ANO2: variants seen among roughly 807,000 people sequenced by gnomAD.
ANO2 encodes the protein anoctamin-2.
A neutral mutation model predicts 124.2 loss-of-function variants in ANO2; 101 were observed. The observed-to-expected ratio is 0.81, with a 90% confidence interval of 0.69 to 0.96. The LOEUF (loss-of-function observed/expected upper bound fraction) is 0.96, where lower values mean the gene tolerates loss of function less well. Ranked by LOEUF, ANO2 falls within the 40% of genes least tolerant of loss-of-function variation. The pLI is 0.00. For synonymous variants in ANO2, 486 were observed against 482.5 expected (o/e 1.01, Z -0.09); for missense variants, 1,293 against 1,274.5 (o/e 1.01, Z -0.22).
intron 15 of ANO2, among the ~76,000 whole-genome samples, chr12:5,645,915 G>A (rs1265838375): frequency 6.6e-6 from 1 of 152,218 alleles, no homozygotes; most frequent in Admixed American, 6.5e-5. Context: ...ACCCAGGATA[G>A]AAAGCCACAG....
intron 3 of ANO2, among the ~76,000 whole-genome samples, chr12:5,878,337 G>T (rs1014620557): frequency 6.6e-6 from 1 of 152,180 alleles, no homozygotes; most frequent in Non-Finnish European, 1.5e-5. Flanking sequence ...ATTAAGGAGT[G>T]GTGGAATCGA....
At chr12:5,758,674 G>C (rs1236152958) in intron 10 of ANO2, among the ~76,000 whole-genome samples, 1 of 152,204 alleles carries the variant, frequency 6.6e-6, no homozygotes, top group African/African-American at 2.4e-5. Context: ...TTGTAGTGCA[G>C]TGCACTGAAG....
intron 14 of ANO2, among the ~76,000 whole-genome samples, chr12:5,685,128 C>G (rs1026792450): frequency 2.0e-5 from 3 of 152,134 alleles, no homozygotes; most frequent in East Asian, 1.9e-4. Context: ...GTATGAGGCA[C>G]GAGTCCTGTC....
intron 3 of ANO2, among the ~76,000 whole-genome samples, chr12:5,896,775 C>G (rs1231060697): frequency 1.3e-5 from 2 of 151,964 alleles, no homozygotes; most frequent in African/African-American, 4.8e-5. Flanking sequence ...ATTTGAAGCC[C>G]CAACTGGTTG....
At chr12:5,907,023 G>A (rs940866992) in intron 3 of ANO2, among the ~76,000 whole-genome samples, 4 of 151,976 alleles carry the variant, frequency 2.6e-5, no homozygotes, top group Non-Finnish European at 2.9e-5. Flanking sequence ...AAGAAAGTCC[G>A]TTTTCAATTA....
chr12:5,820,932 G>C (rs770998658), intron 7 of ANO2, among the ~76,000 whole-genome samples: 8 of 152,228 alleles, frequency 5.3e-5, no homozygotes, highest in Non-Finnish European at 1.0e-4. Context: ...CTCCATTCCT[G>C]TCCATTAGGC....
chr12:5,709,923 A>T (rs571315615), intron 14 of ANO2, among the ~76,000 whole-genome samples: 16 of 152,336 alleles, frequency 1.1e-4, no homozygotes, highest in Admixed American at 9.1e-4. Flanking sequence ...AATAGAAAAA[A>T]TACAAAATGA....
rs1324599985 is a variant in ANO2 at position 5,886,664 on chromosome 12, T to C, written c.535-32523A>G. 1.3e-5 allele frequency among the ~76,000 whole-genome samples: 2 copies of C among 152,232 alleles called. 1 individual carries two copies. Among genetic ancestry groups the C allele is most frequent in the African/African-American group, 4.8e-5 (2 of 41,456 alleles). On this transcript the variant is annotated intron_variant, in intron 3 of 24. Coordinates refer to ENST00000682330, the MANE Select transcript of ANO2 (RefSeq NM_001364791.2). ...TTGGATATGTCTATTACCTTGATTA[T>C]GGTGATGGTATCAAGGGTGTTTGCA...
intron 19 of ANO2, among the ~76,000 whole-genome samples, chr12:5,610,938 A>C (rs1944512467): frequency 6.7e-6 from 1 of 149,336 alleles, no homozygotes; most frequent in Non-Finnish European, 1.5e-5. Flanking sequence ...GTCTTCTTTC[A>C]AGACACAGAC....
chr12:5,858,542 A>T (rs954090727), intron 3 of ANO2: 13 of 152,344 alleles, frequency 8.5e-5, no homozygotes, highest in African/African-American at 3.1e-4. Context: ...TTTAAAAAAA[A>T]AATTATTTGC....
intron 10 of ANO2, among the ~76,000 whole-genome samples, chr12:5,781,943 T>C (rs970388406): frequency 1.3e-5 from 2 of 152,238 alleles, no homozygotes; most frequent in Non-Finnish European, 2.9e-5. Context: ...GGGTATAGTA[T>C]TCTATAAACA....
Position 5,582,718 on chromosome 12 carries a change from C to A in ANO2, c.2234-4200G>T, listed in dbSNP as rs150183448. Among the ~76,000 whole-genome samples the A allele has an allele frequency of 2.6e-5, 4 of 152,332 alleles. No individual in the cohort carries two copies. In the East Asian group the frequency reaches 7.7e-4, roughly 29 times the overall value. ...GTTGGAGATCAACTCCGCCTGCCTT[C>A]CAACCATTCCAAGACCATTTGTACT... On this transcript the variant is annotated intron_variant, in intron 20 of 24. Coordinates refer to ENST00000682330, the MANE Select transcript of ANO2 (RefSeq NM_001364791.2).
intron 14 of ANO2, among the ~76,000 whole-genome samples, chr12:5,656,712 C>A (rs1947177050): frequency 6.6e-6 from 1 of 152,180 alleles, no homozygotes; most frequent in African/African-American, 2.4e-5. Context: ...ATTGTTTGTT[C>A]AACCAGTGTG....
intron 14 of ANO2, among the ~76,000 whole-genome samples, chr12:5,689,050 A>G (rs1474628931): frequency 6.6e-6 from 1 of 152,196 alleles, no homozygotes; most frequent in African/African-American, 2.4e-5. Context: ...TTATTAATTA[A>G]GAAGGTAACT....
intron 14 of ANO2, among the ~76,000 whole-genome samples, chr12:5,697,675 C>T (rs555715099): frequency 5.6e-4 from 85 of 152,266 alleles, no homozygotes; most frequent in Admixed American, 1.2e-3. Flanking sequence ...ACCCGGGAAA[C>T]GCAAGGGGTC....
At chr12:5,747,410 C>G (rs540154309) in intron 11 of ANO2, among the ~76,000 whole-genome samples, 91 of 152,230 alleles carry the variant, frequency 6.0e-4, no homozygotes, top group African/African-American at 2.1e-3. Context: ...TTCTGAGTTT[C>G]CATCAGACCC....
chr12:5,855,254 G>T (rs1194685143), intron 3 of ANO2, among the ~76,000 whole-genome samples: 1 of 152,210 alleles, frequency 6.6e-6, no homozygotes, highest in African/African-American at 2.4e-5. Flanking sequence ...TGCATTTTCA[G>T]TGTGCCTGGC....
At chr12:5,888,703 CAG>C (rs1461462226) in intron 3 of ANO2, among the ~76,000 whole-genome samples, 1 of 152,168 alleles carries the variant, frequency 6.6e-6, no homozygotes, top group Non-Finnish European at 1.5e-5. Flanking sequence ...GAGCTAGACA[CAG>C]GGTGCTGATT....
chr12:5,753,246 G>C (rs1364626304), intron 10 of ANO2, among the ~76,000 whole-genome samples: 1 of 152,176 alleles, frequency 6.6e-6, no homozygotes, highest in Non-Finnish European at 1.5e-5. Context: ...TATTGGGCTA[G>C]TGGGCTGGAG....
Sources: allele counts gnomAD v4.1 joint callset (sites outside exome capture counted in the v4.1 genomes callset), GRCh38; gene constraint gnomAD v4.1.1; transcripts MANE v1.5; gene names NCBI Gene and HGNC (gene_info 2026-07-23, HGNC 2026-07-21).